The following TBC1D12 variants were observed in gnomAD, a reference collection of about 807,000 sequenced individuals.
TBC1D12 encodes the protein TBC1 domain family member 12, also known as TBC1 domain family, member 12.
A neutral mutation model predicts 86.7 loss-of-function variants in TBC1D12; 56 were observed. That is an observed-to-expected ratio of 0.65 (90% CI 0.52 to 0.81). TBC1D12 has a LOEUF of 0.81. TBC1D12 is among the 30% of genes least tolerant of loss of function. The pLI, the probability that TBC1D12 is intolerant of heterozygous loss-of-function variation, is 0.00. For synonymous variants in TBC1D12, 421 were observed against 411.7 expected (o/e 1.02, Z -0.27); for missense variants, 1,023 against 1,038.8 (o/e 0.98, Z 0.21).
chr10:94,531,358 A>C lies in TBC1D12; in HGVS notation c.2157A>C (p.Ile719=). 6.2e-7 allele frequency: 1 copy of C among 1,614,186 alleles called. No individual in the cohort carries two copies. Residue 719 remains isoleucine, a synonymous_variant, in exon 12 of 13, where the codon ATA becomes ATC. Transcript: ENST00000225235. ...TCCTGCAGATGGACTTTATTCATATAGCACAGTTTCTAACTAAATTGCCAG... is the reference window on the plus strand; with the variant it reads ...TCCTGCAGATGGACTTTATTCATATCGCACAGTTTCTAACTAAATTGCCAG... ...DILLQMDFIH[I]AQFLTKLPED... is the part of the protein sequence containing the mutation.
At chr10:94,516,956 C>T (rs1320525803) in intron 9 of TBC1D12, among the ~76,000 whole-genome samples, 1 of 151,992 alleles carries the variant, frequency 6.6e-6, no homozygotes, top group Non-Finnish European at 1.5e-5. Flanking sequence ...CTATGTTGCC[C>T]AGGCTGATCT....
Position 94,519,641 on chromosome 10 carries a change from G to A in TBC1D12, c.1762-2314G>A, listed in dbSNP as rs74527064. Among the ~76,000 whole-genome samples, 1,187 of 152,308 alleles carry A rather than the reference G, an allele frequency of 7.8e-3. 16 individuals carry two copies. The highest frequency in any genetic ancestry group is 0.027 in the African/African-American group (1,130 of 41,578). The stretch of plus-strand genomic sequence containing the variant: ...TCACTGGGTTTAAGTCAAAGTATTG[G>A]CAGGGTTGTGCTTCCTCAGGAAGTT... On this transcript the variant is annotated intron_variant, in intron 9 of 12. Coordinates refer to ENST00000225235, the MANE Select transcript of TBC1D12 (RefSeq NM_015188.2).
intron 2 of TBC1D12, among the ~76,000 whole-genome samples, chr10:94,458,771 G>A (rs576719418): frequency 4.6e-5 from 7 of 152,142 alleles, no homozygotes; most frequent in African/African-American, 7.2e-5. Flanking sequence ...GGAGTTGTTC[G>A]TTCCTTCCAT....
chr10:94,441,690 GT>G (rs2055384542), intron 1 of TBC1D12, among the ~76,000 whole-genome samples: 1 of 151,998 alleles, frequency 6.6e-6, no homozygotes, highest in South Asian at 2.1e-4. Context: ...TGTTATCTAG[GT>G]TTTAATCCCT....
chr10:94,407,155 G>A (rs2054865169), intron 1 of TBC1D12, among the ~76,000 whole-genome samples: 1 of 152,166 alleles, frequency 6.6e-6, no homozygotes, highest in Non-Finnish European at 1.5e-5. Flanking sequence ...CATCATTTTG[G>A]TAGATATATA....
intron 3 of TBC1D12, among the ~76,000 whole-genome samples, chr10:94,484,835 A>G (rs929668306): frequency 6.6e-6 from 1 of 152,044 alleles, no homozygotes; most frequent in Non-Finnish European, 1.5e-5. Context: ...TTCTTTGGTT[A>G]ATTCCTAGGT....
intron 9 of TBC1D12, among the ~76,000 whole-genome samples, chr10:94,518,598 A>G (rs1050405766): frequency 1.3e-5 from 2 of 152,220 alleles, no homozygotes; most frequent in African/African-American, 4.8e-5. Context: ...TGTCAGCAAT[A>G]CTACATAAAC....
chr10:94,525,756 T>C lies in TBC1D12; in HGVS notation c.2000+3303T>C, dbSNP rs892309010. Among the ~76,000 whole-genome samples, 5 of 152,082 alleles carry C rather than the reference T, an allele frequency of 3.3e-5. No individual in the cohort carries two copies. In the East Asian group the frequency reaches 9.7e-4, roughly 29 times the overall value. On this transcript the variant is annotated intron_variant, in intron 11 of 12. Coordinates refer to ENST00000225235, the MANE Select transcript of TBC1D12 (RefSeq NM_015188.2). ...CTAAAAGTTAATTTCTTAAGCTATG[T>C]GGTTTAATGGAATTAAGATTTCTTT...
chr10:94,522,446 A>T lies in TBC1D12; in HGVS notation c.1993A>T (p.Ile665Leu). Residue 665 changes from isoleucine (I) to leucine (L), a missense_variant, in exon 11 of 13, where the codon ATA becomes TTA. This residue lies in a region of TBC1D12 where 395 missense variants were observed against 507.7 expected (regional missense o/e 0.78). Coordinates refer to ENST00000225235, the MANE Select transcript of TBC1D12 (RefSeq NM_015188.2). ...SYSLTPDIYL[I>L]DWIFTLYSKS... ...CAGTCTTACACCAGATATATACTTG[A>T]TAGACTGGTAAGTCATAACATACGT... is the stretch of plus-strand genomic sequence containing the variant. 1 of 1,239,044 alleles carries T rather than the reference A, an allele frequency of 8.1e-7. No homozygotes were observed. Among genetic ancestry groups the T allele is most frequent in the Non-Finnish European group, 1.1e-6 (1 of 888,160 alleles). 76.8% of individuals were successfully genotyped at this position (1,239,044 alleles called of 1,614,324 possible).
intron 3 of TBC1D12, among the ~76,000 whole-genome samples, chr10:94,483,996 A>G (rs1306696478): frequency 6.6e-6 from 1 of 152,176 alleles, no homozygotes; most frequent in Non-Finnish European, 1.5e-5. Flanking sequence ...TCTTCTGCAC[A>G]TGATAATCCA....
At chr10:94,476,213 T>A (rs944651859) in intron 3 of TBC1D12, among the ~76,000 whole-genome samples, 2 of 152,182 alleles carry the variant, frequency 1.3e-5, no homozygotes, top group African/African-American at 4.8e-5. Flanking sequence ...CTGATGAGCA[T>A]AATAAAATAG....
At chr10:94,451,089 G>C (rs1267061868) in intron 2 of TBC1D12, among the ~76,000 whole-genome samples, 1 of 151,990 alleles carries the variant, frequency 6.6e-6, no homozygotes, top group Admixed American at 6.6e-5. Context: ...ATTATAGCTA[G>C]ATAGAAGGAA....
chr10:94,447,057 C>CAAAAA, intron 2 of TBC1D12, among the ~76,000 whole-genome samples: 1 of 100,468 alleles, frequency 1.0e-5, no homozygotes, highest in Non-Finnish European at 2.0e-5. Context: ...TGAGCTGTTT[C>CAAAAA]AAAAAAAAAA....
intron 2 of TBC1D12, among the ~76,000 whole-genome samples, chr10:94,462,609 G>A (rs1013789785): frequency 6.6e-6 from 1 of 152,094 alleles, no homozygotes; most frequent in African/African-American, 2.4e-5. Flanking sequence ...CAAGTTTTCT[G>A]TTTCTTCTTG....
intron 9 of TBC1D12, 138 bp from the exon 10 acceptor site, chr10:94,521,817 C>T (rs777025506): frequency 6.8e-6 from 5 of 737,758 alleles, no homozygotes; most frequent in East Asian, 3.1e-5. Context: ...CTGTATTTAC[C>T]TTTGCTGGGA....
chr10:94,426,682 A>G (rs939659252), intron 1 of TBC1D12, among the ~76,000 whole-genome samples: 3 of 152,006 alleles, frequency 2.0e-5, no homozygotes, highest in Non-Finnish European at 4.4e-5. Context: ...GGTTCAAGCA[A>G]TTCTCTGCCT....
At chr10:94,445,640 C>A (rs977134603) in intron 2 of TBC1D12, among the ~76,000 whole-genome samples, 1 of 151,872 alleles carries the variant, frequency 6.6e-6, no homozygotes, top group African/African-American at 2.4e-5. Context: ...TTCTTCTGAC[C>A]TTTTTCCATC....
chr10:94,455,897 C>T (rs1268759262), intron 2 of TBC1D12, among the ~76,000 whole-genome samples: 1 of 151,968 alleles, frequency 6.6e-6, no homozygotes, highest in African/African-American at 2.4e-5. Flanking sequence ...AGCAGAGGTT[C>T]CAGTGAGCCA....
intron 1 of TBC1D12, among the ~76,000 whole-genome samples, chr10:94,425,052 CTT>C (rs2055128823): frequency 6.6e-6 from 1 of 152,140 alleles, no homozygotes; most frequent in African/African-American, 2.4e-5. Context: ...GAAAGTTAAA[CTT>C]ATATTTAAAA....
Sources: gnomAD v4.1 joint callset for allele counts (sites outside exome capture counted in the v4.1 genomes callset) on GRCh38, gnomAD v4.1.1 for gene constraint, gnomAD v4.1.1 regional missense constraint, MANE v1.5 for transcripts, NCBI Gene and HGNC (gene_info 2026-07-23, HGNC 2026-07-21) for gene names.